ZSCAN5A: variants seen among roughly 807,000 people sequenced by gnomAD.
ZSCAN5A encodes zinc finger and SCAN domain-containing protein 5A.
A neutral mutation model predicts 23.7 loss-of-function variants in ZSCAN5A; 12 were observed. The ratio of observed to expected loss-of-function variants is 0.51; its 90% CI spans 0.32 to 0.82. The LOEUF is 0.82. Ranked by LOEUF, ZSCAN5A falls within the 40% of genes least tolerant of loss-of-function variation. The pLI, the probability that ZSCAN5A is intolerant of heterozygous loss-of-function variation, is 0.03. For synonymous variants in ZSCAN5A, 257 were observed against 239.9 expected (o/e 1.07, Z -0.66); for missense variants, 597 against 617.9 (o/e 0.97, Z 0.36).
intron 2 of ZSCAN5A, among the ~76,000 whole-genome samples, chr19:56,255,352 G>A (rs950535198): frequency 6.6e-6 from 1 of 152,166 alleles, no homozygotes; most frequent in African/African-American, 2.4e-5. Context: ...GGGGAGGGAA[G>A]CTATGGATTT....
intron 2 of ZSCAN5A, among the ~76,000 whole-genome samples, chr19:56,353,768 C>T (rs112382847): frequency 1.1e-4 from 17 of 151,200 alleles, no homozygotes; most frequent in African/African-American, 2.2e-4. Flanking sequence ...GGTGACAGAG[C>T]GAGACTCTGT....
rs770118757 is a variant in ZSCAN5A at position 56,246,805 on chromosome 19, C to A, written c.-127-21632G>T. On this transcript the variant is annotated intron_variant, in intron 2 of 5. Transcript: ENST00000683990. ...TGTCGAAAATGTGGATGCTGACACA[C>A]CTTCTGCCTGCGTTGTGGAGAGAGA... is the stretch of plus-strand genomic sequence containing the variant. 9.8e-5 allele frequency: 157 copies of A among 1,610,242 alleles called. 1 individual carries two copies. Among genetic ancestry groups the A allele is most frequent in the Middle Eastern group, 6.6e-4 (4 of 6,074 alleles).
At chr19:56,289,172 C>A (rs958139057) in intron 2 of ZSCAN5A, among the ~76,000 whole-genome samples, 1 of 152,162 alleles carries the variant, frequency 6.6e-6, no homozygotes, top group African/African-American at 2.4e-5. Flanking sequence ...TCTGACCATG[C>A]CTGATTTCAG....
chr19:56,314,162 G>A (rs1382582870), intron 1 of ZSCAN5A: 3 of 152,290 alleles, frequency 2.0e-5, no homozygotes, highest in Non-Finnish European at 4.4e-5. Context: ...TAAGGTCTGA[G>A]GCCATTCAGC....
At chr19:56,326,821 G>A (rs2041438914) in intron 2 of ZSCAN5A, among the ~76,000 whole-genome samples, 1 of 152,062 alleles carries the variant, frequency 6.6e-6, no homozygotes, top group African/African-American at 2.4e-5. Context: ...AATCAATCAT[G>A]CCAAGTCTTC....
chr19:56,296,773 C>T (rs538839733), intron 2 of ZSCAN5A, among the ~76,000 whole-genome samples: 1 of 152,096 alleles, frequency 6.6e-6, no homozygotes, highest in Non-Finnish European at 1.5e-5. Context: ...GTGGCTCATG[C>T]CTGTAATCCC....
chr19:56,221,452 A>G lies in ZSCAN5A; in HGVS notation c.*123T>C, dbSNP rs2033142386. On this transcript the variant is annotated 3_prime_UTR_variant, in exon 6 of 6. Transcript: ENST00000683990. ...ATTTACTCAAACATCCTGGCAATTCATATCTAGGGCACTCCCTCTGTGTGT... is the reference window on the plus strand; with the variant it reads ...ATTTACTCAAACATCCTGGCAATTCGTATCTAGGGCACTCCCTCTGTGTGT... The G allele has an allele frequency of 8.1e-7, 1 of 1,233,644 alleles. No individual in the cohort carries two copies. Among genetic ancestry groups the G allele is most frequent in the Admixed American group, 2.5e-5 (1 of 40,064 alleles). The allele number at this position is 1,233,644 out of a possible 1,614,324, so 76.4% of individuals were successfully genotyped here.
chr19:56,363,005 TTAC>T (rs1027148158), intron 2 of ZSCAN5A, among the ~76,000 whole-genome samples: 3 of 152,160 alleles, frequency 2.0e-5, no homozygotes, highest in Non-Finnish European at 4.4e-5. Flanking sequence ...AGAAAAAAAT[TTAC>T]TACTTCATAA....
At chr19:56,252,937 G>T (rs1262815737) in intron 2 of ZSCAN5A, among the ~76,000 whole-genome samples, 2 of 152,254 alleles carry the variant, frequency 1.3e-5, no homozygotes, top group African/African-American at 4.8e-5. Context: ...GGAGCAAGAA[G>T]AAAGACAAGA....
Position 56,222,231 on chromosome 19 carries a change from T to A in ZSCAN5A, c.835A>T (p.Arg279Ter), listed in dbSNP as rs763703447. The change falls in exon 6 of 6, where the codon AGA (arginine) becomes TGA (stop). Residue 279 changes from arginine to a stop codon, truncating the protein, a stop_gained. Coordinates refer to ENST00000683990, the MANE Select transcript of ZSCAN5A (RefSeq NM_001322064.3). LOFTEE classifies it low-confidence loss of function (END_TRUNC). ...ADTPSACVVEREASTHSGNRG... is the reference protein window; with the variant it reads ...ADTPSACVVE ...TTCCCGCTGTGAGTCGAAGCTTCTC[T>A]CTCCACAACGCAGGCAGAAGGTGTG... 4 of 1,613,906 alleles carry A rather than the reference T, an allele frequency of 2.5e-6. No individual in the cohort carries two copies. Among genetic ancestry groups the A allele is most frequent in the Non-Finnish European group, 8.5e-7 (1 of 1,179,878 alleles).
chr19:56,222,571 A>G lies in ZSCAN5A; in HGVS notation c.739+20T>C. 6.2e-7 allele frequency: 1 copy of G among 1,612,992 alleles called. No individual in the cohort carries two copies. The highest frequency in any genetic ancestry group is 8.5e-7 in the Non-Finnish European group (1 of 1,179,544). On this transcript the variant is annotated intron_variant, in intron 5 of 5. Coordinates refer to ENST00000683990, the MANE Select transcript of ZSCAN5A (RefSeq NM_001322064.3). ...AGAAGAGAGGGACTAACCCCTGTGG[A>G]TCCAAGTCTTCATACTCACTGGGAC...
chr19:56,246,799 G>C (rs770519029), intron 2 of ZSCAN5A: 16 of 1,609,524 alleles, frequency 9.9e-6, no homozygotes, highest in Non-Finnish European at 1.4e-5. Flanking sequence ...TGTGGATGCT[G>C]ACACACCTTC....
chr19:56,222,658 A>C lies in ZSCAN5A; in HGVS notation c.672T>G (p.Asp224Glu), dbSNP rs959240087. The C allele has an allele frequency of 6.2e-7, 1 of 1,614,082 alleles. No individual in the cohort carries two copies. Among genetic ancestry groups the C allele is most frequent in the Non-Finnish European group, 8.5e-7 (1 of 1,180,026 alleles). ...GGTTCTCTTCCCTGTTTTCCTTCAG[A>C]TCCTTCTCCAAGGTCTGCTTGGGTC... ...SLRPKQTLEK[D>E]LKENREENPG... is the part of the protein sequence containing the mutation. The change falls in exon 5 of 6, where the codon GAT becomes GAG. Residue 224 changes from aspartate to glutamate, a missense_variant. Physicochemically the swap from Asp to Glu is conservative, Grantham distance 45 (BLOSUM62 2). Transcript: ENST00000683990.
intron 2 of ZSCAN5A, among the ~76,000 whole-genome samples, chr19:56,239,990 C>A (rs150456662): frequency 0.01 from 1,591 of 151,940 alleles, 28 homozygotes; most frequent in African/African-American, 0.036. Flanking sequence ...GGTGAAACCC[C>A]GTCTCTACTA....
In ZSCAN5A at chr19:56,336,944, G is replaced by C. The variant is rs10412763; in HGVS notation, c.-357-20676C>G. Among the ~76,000 whole-genome samples, 262 of 152,270 alleles carry C rather than the reference G, an allele frequency of 1.7e-3. 2 individuals carry two copies. The highest frequency in any genetic ancestry group is 5.9e-3 in the African/African-American group (243 of 41,534). ...CTGCTGCCTGATCATTCCTCTGGAA[G>C]TTTTGTCTCAGAGGAGTACCCAGCC... is the stretch of plus-strand genomic sequence containing the variant. On this transcript the variant is annotated intron_variant, in intron 2 of 6. Coordinates refer to the ZSCAN5A transcript ENST00000587340.
chr19:56,245,331 G>C (rs767542943), intron 2 of ZSCAN5A: 4 of 748,634 alleles, frequency 5.3e-6, no homozygotes, highest in Non-Finnish European at 9.9e-6. Context: ...TCCAGCCAGC[G>C]GGCCTCCTCT....
chr19:56,223,547 T>C lies in ZSCAN5A; in HGVS notation c.588+84A>G, dbSNP rs1054522421. Reference sequence around the variant, plus strand: ...GGCTCTAATCTTGTCCTGTGTCAAATCTCTCAATCAGTCCAGCGGCCACAC... The same window carrying C: ...GGCTCTAATCTTGTCCTGTGTCAAACCTCTCAATCAGTCCAGCGGCCACAC... On this transcript the variant is annotated intron_variant, in intron 4 of 5. Transcript: ENST00000683990. 1.4e-5 allele frequency: 20 copies of C among 1,406,740 alleles called. No individual in the cohort carries two copies. In the Admixed American group the frequency reaches 1.6e-4, roughly 11 times the overall value. The allele number at this position is 1,406,740 out of a possible 1,614,324, so 87.1% of individuals were successfully genotyped here.
chr19:56,313,842 T>C (rs1276051974), intron 1 of ZSCAN5A, among the ~76,000 whole-genome samples: 2 of 152,346 alleles, frequency 1.3e-5, no homozygotes, highest in South Asian at 4.1e-4. Context: ...GACATTCATA[T>C]CAGATTTCAA....
chr19:56,262,651 C>T (rs1478005298), intron 2 of ZSCAN5A, among the ~76,000 whole-genome samples: 1 of 149,788 alleles, frequency 6.7e-6, no homozygotes, highest in African/African-American at 2.5e-5. Context: ...ACACTGGTCT[C>T]GAACTCCTGA....
Sources: gnomAD v4.1 joint callset for allele counts (sites outside exome capture counted in the v4.1 genomes callset) on GRCh38, gnomAD v4.1.1 for gene constraint, MANE v1.5 for transcripts, NCBI Gene and HGNC (gene_info 2026-07-23, HGNC 2026-07-21) for gene names.